RPS6KC1: variants seen among roughly 807,000 people sequenced by gnomAD.
The protein encoded by RPS6KC1 is ribosomal protein S6 kinase C1, also known as inactive ribosomal protein S6 kinase delta-1.
Under a neutral mutation model 103.8 loss-of-function variants are expected in RPS6KC1, and 54 were observed. The ratio of observed to expected loss-of-function variants is 0.52; its 90% CI spans 0.42 to 0.65. RPS6KC1 has a LOEUF of 0.65. RPS6KC1 is among the 30% of genes least tolerant of loss of function. RPS6KC1 has a pLI of 0.00. For missense variants in RPS6KC1, 1,151 were observed against 1,253.8 expected (o/e 0.92, Z 1.24); for synonymous variants, 439 against 438.7 (o/e 1.00, Z -0.01).
chr1:213,468,808 A>G, the RPS6KC1 span, among the ~76,000 whole-genome samples: 1 of 152,168 alleles, frequency 6.6e-6, no homozygotes, highest in Admixed American at 6.5e-5. Flanking sequence ...ATTCAATCTC[A>G]TCTGCTCCCG....
intron 1 of RPS6KC1, among the ~76,000 whole-genome samples, chr1:213,064,676 C>CTTTTTTTT (rs34472724): frequency 9.5e-6 from 1 of 104,880 alleles, no homozygotes. Flanking sequence ...CCTTTGTGAA[C>CTTTTTTTT]TTTTTTTTTT....
the RPS6KC1 span, among the ~76,000 whole-genome samples, chr1:213,848,378 T>C: frequency 6.6e-6 from 1 of 152,306 alleles, no homozygotes; most frequent in South Asian, 2.1e-4. Context: ...GAATTTTATA[T>C]TAATGCAAGC....
Position 213,080,905 on chromosome 1 carries a change from A to C in RPS6KC1, c.262+3089A>C, listed in dbSNP as rs571880767. Reference sequence around the variant, plus strand: ...TGACAGAGCAAATATTGTTCATTATAACACCAGGTGGTATACCACAATTAC... The same window carrying C: ...TGACAGAGCAAATATTGTTCATTATCACACCAGGTGGTATACCACAATTAC... On this transcript the variant is annotated intron_variant, in intron 3 of 14. Transcript: ENST00000366960. Among the ~76,000 whole-genome samples, 14 of 152,366 alleles carry C rather than the reference A, an allele frequency of 9.2e-5. No homozygotes were observed. The South Asian group carries it at 2.9e-3, about 32-fold the overall frequency.
the RPS6KC1 span, among the ~76,000 whole-genome samples, chr1:213,346,085 C>T: frequency 2.6e-5 from 4 of 152,162 alleles, no homozygotes; most frequent in African/African-American, 9.7e-5. Flanking sequence ...AAGAAATAAA[C>T]ATTGGTCCAC....
the RPS6KC1 span, among the ~76,000 whole-genome samples, chr1:213,757,200 C>A: frequency 6.6e-6 from 1 of 152,212 alleles, no homozygotes; most frequent in South Asian, 2.1e-4. Flanking sequence ...TACTTTAAAT[C>A]TAAAGCTAGA....
the RPS6KC1 span, among the ~76,000 whole-genome samples, chr1:213,549,606 C>CT: frequency 9.1e-6 from 1 of 110,150 alleles, no homozygotes; most frequent in Admixed American, 1.1e-4. Flanking sequence ...TCTTCTTTTT[C>CT]TTTTCCTTTT....
At chr1:213,801,823 C>T in the RPS6KC1 span, among the ~76,000 whole-genome samples, 1 of 152,126 alleles carries the variant, frequency 6.6e-6, no homozygotes. Context: ...AGTATCACTA[C>T]CATGGATGAC....
the RPS6KC1 span, among the ~76,000 whole-genome samples, chr1:213,607,824 G>A: frequency 6.6e-6 from 1 of 152,178 alleles, no homozygotes; most frequent in Admixed American, 6.5e-5. Context: ...GTTCTCGCCT[G>A]AATTTGCAGA....
At chr1:213,443,347 C>T in the RPS6KC1 span, among the ~76,000 whole-genome samples, 5 of 152,154 alleles carry the variant, frequency 3.3e-5, no homozygotes, top group African/African-American at 1.2e-4. Flanking sequence ...TTGTTATAGT[C>T]CATATACAAA....
At chr1:213,309,167 C>T in the RPS6KC1 span, among the ~76,000 whole-genome samples, 5,439 of 152,134 alleles carry the variant, frequency 0.036, 128 homozygotes, top group Middle Eastern at 0.058. Context: ...TGGTGGCACA[C>T]GCCTGTAGTC....
At chr1:213,833,426 C>T in the RPS6KC1 span, among the ~76,000 whole-genome samples, 1 of 152,158 alleles carries the variant, frequency 6.6e-6, no homozygotes, top group Admixed American at 6.5e-5. Context: ...AATTGTGGCT[C>T]ATTTATTTGT....
At chr1:213,451,550 T>C in the RPS6KC1 span, among the ~76,000 whole-genome samples, 1 of 152,150 alleles carries the variant, frequency 6.6e-6, no homozygotes, top group Non-Finnish European at 1.5e-5. Flanking sequence ...TCCCACACAG[T>C]GGGTGTGGGG....
At chr1:213,154,753 G>A (rs938139325) in intron 6 of RPS6KC1, among the ~76,000 whole-genome samples, 5 of 152,214 alleles carry the variant, frequency 3.3e-5, no homozygotes, top group Non-Finnish European at 5.9e-5. Flanking sequence ...CCCTTCTGTG[G>A]CCTTGCTGGT....
At chr1:213,345,477 G>A in the RPS6KC1 span, among the ~76,000 whole-genome samples, 3 of 152,146 alleles carry the variant, frequency 2.0e-5, no homozygotes, top group South Asian at 2.1e-4. Context: ...TGGATGTTAC[G>A]AATGAAAAAA....
chr1:213,785,417 A>G, the RPS6KC1 span, among the ~76,000 whole-genome samples: 2 of 148,536 alleles, frequency 1.3e-5, no homozygotes, highest in South Asian at 2.1e-4. Flanking sequence ...CTGCTCTAAA[A>G]AATAAAAATA....
At chr1:213,473,445 T>C in the RPS6KC1 span, among the ~76,000 whole-genome samples, 1 of 152,206 alleles carries the variant, frequency 6.6e-6, no homozygotes, top group Non-Finnish European at 1.5e-5. Flanking sequence ...TTCTTGCCAA[T>C]GTGAGGGGGG....
At chr1:213,357,259 G>A in the RPS6KC1 span, among the ~76,000 whole-genome samples, 1 of 152,140 alleles carries the variant, frequency 6.6e-6, no homozygotes, top group Non-Finnish European at 1.5e-5. Context: ...TGGAGCCCTT[G>A]TTGGAGACAA....
chr1:213,680,633 C>T, the RPS6KC1 span, among the ~76,000 whole-genome samples: 183 of 151,758 alleles, frequency 1.2e-3, no homozygotes, highest in African/African-American at 4.3e-3. Flanking sequence ...TATCCTAAAG[C>T]GCCTTTTTTA....
chr1:213,260,484 G>A (rs1307543639), intron 12 of RPS6KC1, among the ~76,000 whole-genome samples: 1 of 152,140 alleles, frequency 6.6e-6, no homozygotes. Context: ...AAGCTATTTT[G>A]TAAGTTTGGG....
Sources: gnomAD v4.1 joint callset for allele counts (sites outside exome capture counted in the v4.1 genomes callset) on GRCh38, gnomAD v4.1.1 for gene constraint, MANE v1.5 for transcripts, NCBI Gene and HGNC (gene_info 2026-07-23, HGNC 2026-07-21) for gene names.